The following CARMIL1 variants were observed in gnomAD, a reference collection of about 807,000 sequenced individuals.
CARMIL1 encodes capping protein regulator and myosin 1 linker 1.
In CARMIL1, 90 loss-of-function variants were observed where a neutral mutation model predicts 177.1. The ratio of observed to expected loss-of-function variants is 0.51; its 90% CI spans 0.43 to 0.61. The LOEUF is 0.61. Ranked by LOEUF, CARMIL1 falls within the 20% of genes least tolerant of loss-of-function variation. The probability of loss-of-function intolerance (pLI) is 0.00; values close to 1 mark genes in which losing one functional copy is unlikely to be tolerated. For synonymous variants in CARMIL1, 577 were observed against 606.2 expected (o/e 0.95, Z 0.71); for missense variants, 1,380 against 1,667.0 (o/e 0.83, Z 3.00).
At chr6:25,445,636 G>A (rs1183687213) in intron 5 of CARMIL1, among the ~76,000 whole-genome samples, 1 of 150,476 alleles carries the variant, frequency 6.6e-6, no homozygotes, top group Admixed American at 6.7e-5. Flanking sequence ...CCAGGTTCAT[G>A]CCATTCTCCT....
intron 5 of CARMIL1, among the ~76,000 whole-genome samples, chr6:25,437,325 T>G (rs974843790): frequency 6.6e-6 from 1 of 152,232 alleles, no homozygotes; most frequent in African/African-American, 2.4e-5. Context: ...AAAGGCAGCC[T>G]TATTTGTTTA....
intron 31 of CARMIL1, 103 bp downstream of exon 31, chr6:25,581,542 T>C: frequency 3.7e-6 from 4 of 1,073,646 alleles, no homozygotes; most frequent in East Asian, 5.2e-5. Flanking sequence ...ATGAAAGCTA[T>C]GGTTAAGGAG....
At chr6:25,491,650 C>T in intron 13 of CARMIL1, 82 bp from the exon 14 acceptor site, 1 of 884,488 alleles carries the variant, frequency 1.1e-6, no homozygotes, top group Non-Finnish European at 1.7e-6. Context: ...ATTCTGGCAA[C>T]TTCCTTTTAA....
intron 2 of CARMIL1, among the ~76,000 whole-genome samples, chr6:25,348,815 C>T (rs147949258): frequency 6.6e-6 from 1 of 151,860 alleles, no homozygotes; most frequent in East Asian, 1.9e-4. Flanking sequence ...AAAATGAAAA[C>T]AAGATAATTA....
At chr6:25,490,734 T>A (rs939438231) in intron 13 of CARMIL1, among the ~76,000 whole-genome samples, 19 of 133,710 alleles carry the variant, frequency 1.4e-4, no homozygotes, top group Non-Finnish European at 3.0e-4. Context: ...AATAAATAAA[T>A]AAATAAATAA....
chr6:25,371,414 A>G (rs1790419198), intron 2 of CARMIL1, among the ~76,000 whole-genome samples: 1 of 152,182 alleles, frequency 6.6e-6, no homozygotes, highest in African/African-American at 2.4e-5. Flanking sequence ...CATCCATGCC[A>G]ACATCTATTG....
At chr6:25,338,418 C>G (rs2150313353) in intron 2 of CARMIL1, among the ~76,000 whole-genome samples, 1 of 152,298 alleles carries the variant, frequency 6.6e-6, no homozygotes, top group East Asian at 1.9e-4. Context: ...CCTTGGTAGA[C>G]TCTGTCTTGC....
chr6:25,379,703 C>T (rs1416576764), intron 2 of CARMIL1, among the ~76,000 whole-genome samples: 3 of 152,122 alleles, frequency 2.0e-5, no homozygotes, highest in Non-Finnish European at 4.4e-5. Flanking sequence ...CATTGCCTTC[C>T]TTGAGTCTCC....
chr6:25,534,064 T>C (rs946140686), intron 24 of CARMIL1, among the ~76,000 whole-genome samples: 5 of 152,174 alleles, frequency 3.3e-5, no homozygotes, highest in African/African-American at 1.2e-4. Flanking sequence ...TCTTTTGTTT[T>C]TATTTATACT....
At chr6:25,441,605 G>T (rs1389974882) in intron 5 of CARMIL1, among the ~76,000 whole-genome samples, 1 of 151,876 alleles carries the variant, frequency 6.6e-6, no homozygotes, top group Non-Finnish European at 1.5e-5. Context: ...GAGAACATCT[G>T]TAAAGAAGAA....
rs1221864869 is a variant in CARMIL1, at chr6:25,516,917, GT to G, written c.1806-427del. On this transcript the variant is annotated intron_variant, in intron 21 of 36. Transcript: ENST00000329474. Reference sequence around the variant, plus strand: ...GTTTTAGAAACACTAGTGTTTTACTGTTTGGGGGGAACAATCTCAGTAGCTG... The same window carrying G: ...GTTTTAGAAACACTAGTGTTTTACTGTTGGGGGGAACAATCTCAGTAGCTG... 5.3e-5 allele frequency among the ~76,000 whole-genome samples: 8 copies of G among 152,186 alleles called. No homozygotes were observed. The South Asian group carries it at 1.7e-3, about 31-fold the overall frequency.
chr6:25,420,140 T>C lies in CARMIL1; in HGVS notation c.165T>C (p.Leu55=), dbSNP rs754348875. ...TCCTTACATCATGCCGAGCCTTCCT[T>C]GTAACAGCGCGAATCCCCACCAAGG... ...VLVLTSCRAF[L]VTARIPTKLE... The change falls in exon 3 of 37, where the codon CTT becomes CTC. Residue 55 remains leucine, a synonymous_variant. Transcript: ENST00000329474. The C allele has an allele frequency of 3.1e-6, 5 of 1,613,634 alleles. No homozygotes were observed. Among genetic ancestry groups the C allele is most frequent in the South Asian group, 1.1e-5 (1 of 91,070 alleles).
chr6:25,360,159 C>T (rs1330908477), intron 2 of CARMIL1, among the ~76,000 whole-genome samples: 1 of 152,138 alleles, frequency 6.6e-6, no homozygotes, highest in African/African-American at 2.4e-5. Flanking sequence ...TATTGTAAAA[C>T]CTGCACTGCA....
chr6:25,576,789 G>A (rs150857717), intron 29 of CARMIL1, among the ~76,000 whole-genome samples: 42 of 152,250 alleles, frequency 2.8e-4, no homozygotes, highest in East Asian at 1.5e-3. Context: ...TAGATTGGAT[G>A]TCTTAAGCCA....
chr6:25,539,424 G>A (rs1251116368), intron 25 of CARMIL1, among the ~76,000 whole-genome samples: 2 of 151,944 alleles, frequency 1.3e-5, no homozygotes, highest in Non-Finnish European at 1.5e-5. Flanking sequence ...AGTGTTGTGA[G>A]TAAAAGCAGC....
intron 2 of CARMIL1, among the ~76,000 whole-genome samples, chr6:25,303,767 C>A (rs1433907714): frequency 6.6e-6 from 1 of 152,212 alleles, no homozygotes; most frequent in African/African-American, 2.4e-5. Flanking sequence ...AATCACCCAA[C>A]CTACTTTTAG....
At chr6:25,435,706 C>T in intron 5 of CARMIL1, 102 bp downstream of exon 5, 1 of 1,283,834 alleles carries the variant, frequency 7.8e-7, no homozygotes. Flanking sequence ...TAGTTCCTCT[C>T]TCAGACTTCC....
chr6:25,313,034 G>A (rs1273691936), intron 2 of CARMIL1, among the ~76,000 whole-genome samples: 1 of 152,080 alleles, frequency 6.6e-6, no homozygotes, highest in Non-Finnish European at 1.5e-5. Context: ...CTGTCCTCTA[G>A]TGGATGGCAG....
At chr6:25,612,039 C>G (rs778673471) in intron 36 of CARMIL1, among the ~76,000 whole-genome samples, 2 of 152,250 alleles carry the variant, frequency 1.3e-5, no homozygotes, top group Non-Finnish European at 1.5e-5. Flanking sequence ...ACGCTCCCTT[C>G]TTTCCAGTCA....
Sources: allele counts gnomAD v4.1 joint callset (sites outside exome capture counted in the v4.1 genomes callset), GRCh38; gene constraint gnomAD v4.1.1; transcripts MANE v1.5; gene names NCBI Gene and HGNC (gene_info 2026-07-23, HGNC 2026-07-21).